PPP1R14C: variants seen among roughly 807,000 people sequenced by gnomAD.
The protein encoded by PPP1R14C is protein phosphatase 1 regulatory subunit 14C.
A neutral mutation model predicts 20.4 loss-of-function variants in PPP1R14C; 16 were observed. That is an observed-to-expected ratio of 0.78 (90% confidence interval 0.53 to 1.19). The LOEUF (loss-of-function observed/expected upper bound fraction) is 1.19. Ranked by LOEUF, PPP1R14C falls within the 50% of genes most tolerant of loss-of-function variation. The pLI is 0.00. For synonymous variants in PPP1R14C, 91 were observed against 91.0 expected, an observed-to-expected ratio of 1.00 and a Z score of 0.00; for missense variants, 211 against 220.1, an observed-to-expected ratio of 0.96 and a Z score of 0.26.
At chr6:150,166,385 C>T (rs549904169) in intron 1 of PPP1R14C, among the ~76,000 whole-genome samples, 1 of 152,060 alleles carries the variant, frequency 6.6e-6, no homozygotes, top group African/African-American at 2.4e-5. Flanking sequence ...CAGCCAAATG[C>T]TGCTCTTCTT....
At chr6:150,173,342 T>C (rs1197553457) in intron 1 of PPP1R14C, among the ~76,000 whole-genome samples, 1 of 152,102 alleles carries the variant, frequency 6.6e-6, no homozygotes, top group African/African-American at 2.4e-5. Flanking sequence ...TACCCTTTTT[T>C]TTTTCCATCC....
At chr6:150,208,559 A>G (rs927365585) in intron 1 of PPP1R14C, among the ~76,000 whole-genome samples, 5 of 152,226 alleles carry the variant, frequency 3.3e-5, no homozygotes, top group Non-Finnish European at 7.3e-5. Flanking sequence ...TATAAAAATC[A>G]CATCCAAATT....
At chr6:150,182,180 T>C (rs939810806) in intron 1 of PPP1R14C, among the ~76,000 whole-genome samples, 2 of 152,202 alleles carry the variant, frequency 1.3e-5, no homozygotes, top group African/African-American at 4.8e-5. Flanking sequence ...GTCTGTGTAG[T>C]GGTCATGGGC....
At chr6:150,183,608 T>A (rs192853686) in intron 1 of PPP1R14C, among the ~76,000 whole-genome samples, 2 of 151,794 alleles carry the variant, frequency 1.3e-5, no homozygotes, top group Admixed American at 1.3e-4. Context: ...ACTGTCCGAG[T>A]TTAAGCGATT....
chr6:150,242,604 A>G (rs928298120), intron 3 of PPP1R14C, among the ~76,000 whole-genome samples: 3 of 152,230 alleles, frequency 2.0e-5, no homozygotes, highest in African/African-American at 4.8e-5. Context: ...CAGGTAACAT[A>G]CTTGCTGGTG....
At chr6:150,189,301 A>G (rs1777714953) in intron 1 of PPP1R14C, among the ~76,000 whole-genome samples, 1 of 152,142 alleles carries the variant, frequency 6.6e-6, no homozygotes, top group African/African-American at 2.4e-5. Flanking sequence ...AGGGTGATGC[A>G]TTTAAACTAT....
intron 1 of PPP1R14C, among the ~76,000 whole-genome samples, chr6:150,208,255 C>T (rs776946397): frequency 2.6e-5 from 4 of 151,638 alleles, no homozygotes; most frequent in African/African-American, 4.9e-5. Flanking sequence ...GGTTTCCTCT[C>T]GGGTTTCTGG....
chr6:150,211,362 C>G (rs527693632), intron 1 of PPP1R14C, among the ~76,000 whole-genome samples: 2 of 152,314 alleles, frequency 1.3e-5, no homozygotes, highest in South Asian at 2.1e-4. Flanking sequence ...GGGCCTCTCA[C>G]TAATGTGGGG....
intron 3 of PPP1R14C, among the ~76,000 whole-genome samples, chr6:150,243,689 T>A (rs1396152457): frequency 1.3e-5 from 2 of 152,100 alleles, no homozygotes; most frequent in Non-Finnish European, 2.9e-5. Flanking sequence ...ACAAAAGAAA[T>A]GGAAGCATAT....
At chr6:150,158,599 A>C (rs1306125091) in intron 1 of PPP1R14C, among the ~76,000 whole-genome samples, 1 of 152,242 alleles carries the variant, frequency 6.6e-6, no homozygotes, top group African/African-American at 2.4e-5. Flanking sequence ...CATGATAACT[A>C]TCAGTAGTGC....
At chr6:150,209,979 A>G (rs566984812) in intron 1 of PPP1R14C, among the ~76,000 whole-genome samples, 1 of 147,954 alleles carries the variant, frequency 6.8e-6, no homozygotes, top group Admixed American at 6.7e-5. Flanking sequence ...ATGTGTGTGT[A>G]TGTCTGTGTA....
intron 1 of PPP1R14C, chr6:150,194,969 G>A: frequency 1.0e-6 from 1 of 985,254 alleles, no homozygotes; most frequent in Non-Finnish European, 1.2e-6. Flanking sequence ...AAAGGCAAAA[G>A]TTATAAAAAG....
intron 1 of PPP1R14C, among the ~76,000 whole-genome samples, chr6:150,180,425 G>A (rs1777608395): frequency 6.6e-6 from 1 of 152,214 alleles, no homozygotes; most frequent in Non-Finnish European, 1.5e-5. Context: ...GATATTAGTT[G>A]CATCTGCATG....
At chr6:150,175,733 T>G (rs917447141) in intron 1 of PPP1R14C, among the ~76,000 whole-genome samples, 1 of 152,212 alleles carries the variant, frequency 6.6e-6, no homozygotes, top group Non-Finnish European at 1.5e-5. Context: ...CCAGTGTTAT[T>G]GGATAACATA....
intron 1 of PPP1R14C, chr6:150,194,657 G>A: frequency 1.4e-5 from 14 of 985,198 alleles, no homozygotes; most frequent in South Asian, 4.7e-5. Flanking sequence ...AACTCACCTC[G>A]CCTTTAGCAC....
chr6:150,149,299 A>ATATG (rs1554280427), intron 1 of PPP1R14C, among the ~76,000 whole-genome samples: 29 of 147,432 alleles, frequency 2.0e-4, no homozygotes, highest in Non-Finnish European at 2.2e-4. Flanking sequence ...CTCCATACAT[A>ATATG]TGTGTGTGTG....
chr6:150,155,183 G>A (rs9384189), intron 1 of PPP1R14C, among the ~76,000 whole-genome samples: 10,775 of 152,200 alleles, frequency 0.071, 527 homozygotes, highest in East Asian at 0.28. Flanking sequence ...GAGCATGACT[G>A]AATCTATACT....
intron 1 of PPP1R14C, among the ~76,000 whole-genome samples, chr6:150,148,778 T>C (rs1427633995): frequency 6.6e-6 from 1 of 152,134 alleles, no homozygotes; most frequent in Non-Finnish European, 1.5e-5. Flanking sequence ...AAATTACACA[T>C]GCAAAAAGTC....
rs114963374 is a variant in PPP1R14C, at chr6:150,180,482, G to A, written c.307-34262G>A. Among the ~76,000 whole-genome samples the A allele has an allele frequency of 2.6e-5, 4 of 152,164 alleles. No homozygotes were observed. In the East Asian group the frequency reaches 7.7e-4, roughly 29 times the overall value. ...TACGTGGCAGGGCTTGGGGAAAGTA[G>A]TTTAATGAAATCTAAGCACTGTAAG... On this transcript the variant is annotated intron_variant, in intron 1 of 3. Coordinates refer to ENST00000361131, the MANE Select transcript of PPP1R14C (RefSeq NM_030949.3).
Sources: allele counts gnomAD v4.1 joint callset (sites outside exome capture counted in the v4.1 genomes callset), GRCh38; gene constraint gnomAD v4.1.1; transcripts MANE v1.5; gene names NCBI Gene and HGNC (gene_info 2026-07-23, HGNC 2026-07-21).